The following SEC14L5 variants were observed in gnomAD, a reference collection of about 807,000 sequenced individuals.
SEC14L5 encodes the protein SEC14 like lipid binding 5, also known as SEC14-like protein 5.
A neutral mutation model predicts 84.6 loss-of-function variants in SEC14L5; 96 were observed. The ratio of observed to expected loss-of-function variants is 1.13; its 90% CI spans 0.96 to 1.34. The LOEUF is 1.34. Ranked by LOEUF, SEC14L5 falls within the 40% of genes most tolerant of loss-of-function variation. The pLI is 0.00. For missense variants in SEC14L5, 1,224 were observed against 942.5 expected (o/e 1.30, Z -3.91); for synonymous variants, 546 against 383.4 (o/e 1.42, Z -4.95).
At chr16:4,997,736 G>T (rs1237637496) in intron 8 of SEC14L5, among the ~76,000 whole-genome samples, 4 of 152,164 alleles carry the variant, frequency 2.6e-5, no homozygotes, top group Non-Finnish European at 4.4e-5. Context: ...GGCGTCACCA[G>T]GGCCGTGCTC....
chr16:4,966,253 A>G (rs1955198791), intron 2 of SEC14L5, among the ~76,000 whole-genome samples: 1 of 133,342 alleles, frequency 7.5e-6, no homozygotes, highest in Non-Finnish European at 1.6e-5. Flanking sequence ...GGCGTGACCC[A>G]CCGCGCCCGG....
At chr16:5,011,801 G>A (rs755568824) in intron 15 of SEC14L5, among the ~76,000 whole-genome samples, 4 of 152,288 alleles carry the variant, frequency 2.6e-5, no homozygotes, top group African/African-American at 7.2e-5. Context: ...CCCCAGTCTT[G>A]TGGGTTTGTC....
Position 5,011,253 on chromosome 16 carries a change from G to T in SEC14L5, c.1959G>T (p.Val653=), listed in dbSNP as rs1955799308. ...GCAAACTTCTCTACTACTGTGAGGT[G>T]CTCGCCTCTGAGGACTTCAGGTAGG... ...PKCKLLYYCE[V]LASEDFRGSM... Residue 653 remains valine (V), a synonymous_variant, in exon 15 of 16, where the codon GTG becomes GTT. Coordinates refer to ENST00000251170, the MANE Select transcript of SEC14L5 (RefSeq NM_014692.2). The T allele has an allele frequency of 6.2e-7, 1 of 1,613,756 alleles. No individual in the cohort carries two copies. Among genetic ancestry groups the T allele is most frequent in the Non-Finnish European group, 8.5e-7 (1 of 1,179,814 alleles).
At chr16:5,005,791 G>C in intron 11 of SEC14L5, 123 bp from the exon 12 acceptor site, 1 of 940,186 alleles carries the variant, frequency 1.1e-6, no homozygotes, top group Non-Finnish European at 1.5e-6. Context: ...GTGAACCCGG[G>C]AGGTGGAGCT....
chr16:5,010,719 C>A (rs181066484), intron 14 of SEC14L5, among the ~76,000 whole-genome samples: 18 of 152,328 alleles, frequency 1.2e-4, no homozygotes, highest in Non-Finnish European at 1.8e-4. Context: ...CACAAATTCT[C>A]TCTAAGCACC....
At chr16:4,974,366 T>TAA (rs1295601109) in intron 2 of SEC14L5, among the ~76,000 whole-genome samples, 2 of 151,868 alleles carry the variant, frequency 1.3e-5, no homozygotes, top group Non-Finnish European at 2.9e-5. Context: ...CATGCCTGCC[T>TAA]AGTTTTTTAT....
Position 4,975,345 on chromosome 16 carries a change from C to T in SEC14L5, c.64-12212C>T, listed in dbSNP as rs572529682. On this transcript the variant is annotated intron_variant, in intron 2 of 15. Transcript: ENST00000251170. Reference sequence around the variant, plus strand: ...AAAATTAGCTGGGCATGGTGGTGGGCGCCTGTAGTCCCAGCTACTTGGGAG... The same window carrying T: ...AAAATTAGCTGGGCATGGTGGTGGGTGCCTGTAGTCCCAGCTACTTGGGAG... Among the ~76,000 whole-genome samples, 67 of 151,688 alleles carry T rather than the reference C, an allele frequency of 4.4e-4. 1 individual carries two copies. The highest frequency in any genetic ancestry group is 1.4e-3 in the African/African-American group (59 of 41,392).
intron 2 of SEC14L5, among the ~76,000 whole-genome samples, chr16:4,983,778 A>G (rs36176871): frequency 0.092 from 14,023 of 151,618 alleles, 1,352 homozygotes; most frequent in East Asian, 0.51. Context: ...TTGGGAGGCT[A>G]AGGCAGGAGA....
At chr16:4,989,328 T>TTTGTTTGTTTGTTTTG (rs1955528107) in intron 4 of SEC14L5, among the ~76,000 whole-genome samples, 1 of 3,884 alleles carries the variant, frequency 2.6e-4, no homozygotes, top group Non-Finnish European at 8.3e-4. Flanking sequence ...GTTTGTTTTG[T>TTTGTTTGTTTGTTTTG]TTTTTTTTTT....
At chr16:4,998,214 C>T (rs2142515007) in intron 8 of SEC14L5, among the ~76,000 whole-genome samples, 2 of 151,352 alleles carry the variant, frequency 1.3e-5, no homozygotes, top group Middle Eastern at 3.4e-3. Flanking sequence ...CCATGTTGGC[C>T]AGGCTGTTCT....
At chr16:4,981,511 TGGTGTGG>T (rs1568119196) in intron 2 of SEC14L5, among the ~76,000 whole-genome samples, 2 of 151,006 alleles carry the variant, frequency 1.3e-5, no homozygotes, top group African/African-American at 4.9e-5. Flanking sequence ...AGGTCAGGGG[TGGTGTGG>T]CCGCTGCCTG....
intron 2 of SEC14L5, among the ~76,000 whole-genome samples, chr16:4,960,404 A>G (rs1955108682): frequency 6.6e-6 from 1 of 151,956 alleles, no homozygotes; most frequent in African/African-American, 2.4e-5. Context: ...CCACCCCAGC[A>G]CTGACTGCTT....
At position 4,983,105 on chromosome 16, in the gene SEC14L5, C is replaced by T. The variant is rs1475907015; in HGVS notation, c.64-4452C>T. Among the ~76,000 whole-genome samples, 4 of 152,150 alleles carry T rather than the reference C, an allele frequency of 2.6e-5. No individual in the cohort carries two copies. In the South Asian group the frequency reaches 6.2e-4, roughly 24 times the overall value. On this transcript the variant is annotated intron_variant, in intron 2 of 15. Coordinates refer to ENST00000251170, the MANE Select transcript of SEC14L5 (RefSeq NM_014692.2). Reference sequence around the variant, plus strand: ...GTAACCTCTGCTTCCTGGGTTCAAGCGATTCTCCTGCCTCAGCCTCCTGAC... The same window carrying T: ...GTAACCTCTGCTTCCTGGGTTCAAGTGATTCTCCTGCCTCAGCCTCCTGAC...
chr16:4,991,162 C>CTTT (rs35980290), intron 5 of SEC14L5, among the ~76,000 whole-genome samples: 18 of 85,468 alleles, frequency 2.1e-4, no homozygotes, highest in African/African-American at 3.1e-4. Flanking sequence ...TTCTGTGGTG[C>CTTT]TTTTTTTTTT....
chr16:4,986,499 C>T (rs1266568703), intron 2 of SEC14L5, among the ~76,000 whole-genome samples: 1 of 152,088 alleles, frequency 6.6e-6, no homozygotes, highest in African/African-American at 2.4e-5. Flanking sequence ...TGCTCTTTTT[C>T]GATTGCTTTT....
At chr16:5,002,448 C>T (rs1434636515) in intron 10 of SEC14L5, among the ~76,000 whole-genome samples, 2 of 152,140 alleles carry the variant, frequency 1.3e-5, no homozygotes, top group Admixed American at 6.5e-5. Context: ...AGGTGCCTGC[C>T]ACCACGCCTG....
intron 2 of SEC14L5, among the ~76,000 whole-genome samples, chr16:4,962,165 CAAAA>C (rs540573784): frequency 2.7e-5 from 2 of 72,976 alleles, no homozygotes; most frequent in Admixed American, 1.6e-4. Flanking sequence ...GACTCTGTCT[CAAAA>C]AAAAAAAAAA....
Position 4,990,711 on chromosome 16 carries a change from G to A in SEC14L5, c.346-56G>A. ...CCAGGTCAGTGGGAGAGCCCTAGGG[G>A]AGGGCAGGGTGCCCCCGACATTGAG... is the stretch of plus-strand genomic sequence containing the variant. On this transcript the variant is annotated intron_variant, in intron 4 of 15. Coordinates refer to ENST00000251170, the MANE Select transcript of SEC14L5 (RefSeq NM_014692.2). 5 of 1,540,590 alleles carry A rather than the reference G, an allele frequency of 3.2e-6. No homozygotes were observed. The South Asian group carries it at 5.0e-5, about 15-fold the overall frequency.
At chr16:4,989,332 TTTTTTTGTTTG>T (rs1048309518) in intron 4 of SEC14L5, among the ~76,000 whole-genome samples, 5 of 150,364 alleles carry the variant, frequency 3.3e-5, no homozygotes, top group African/African-American at 1.2e-4. Context: ...GTTTTGTTTT[TTTTTTTGTTTG>T]TTTTTTTGAG....
Sources: allele counts gnomAD v4.1 joint callset (sites outside exome capture counted in the v4.1 genomes callset), GRCh38; gene constraint gnomAD v4.1.1; transcripts MANE v1.5; gene names NCBI Gene and HGNC (gene_info 2026-07-23, HGNC 2026-07-21).